MMP20: variants seen among roughly 807,000 people sequenced by gnomAD.
MMP20 encodes matrix metalloproteinase-20.
MMP20 carries 50 observed loss-of-function variants against 51.8 expected under a neutral mutation model. The observed-to-expected ratio is 0.97, with a 90% confidence interval of 0.77 to 1.22. MMP20 has a LOEUF of 1.22. MMP20 is among the 50% of genes most tolerant of loss of function. The probability of loss-of-function intolerance (pLI) is 0.00; values close to 1 mark genes in which losing one functional copy is unlikely to be tolerated. For missense variants in MMP20, 663 were observed against 601.4 expected (o/e 1.10, Z -1.07); for synonymous variants, 244 against 216.2 (o/e 1.13, Z -1.13).
At chr11:102,605,353 GACTGATAC>G (rs1859501670) in intron 6 of MMP20, 1 of 152,128 alleles carries the variant, frequency 6.6e-6, no homozygotes, top group Admixed American at 6.5e-5. Flanking sequence ...AGCTCCTGCA[GACTGATAC>G]ACTCCAGGTG....
chr11:102,596,082 C>T (rs916534489), intron 6 of MMP20, among the ~76,000 whole-genome samples: 1 of 152,132 alleles, frequency 6.6e-6, no homozygotes, highest in African/African-American at 2.4e-5. Flanking sequence ...GCCCTGCCCT[C>T]AATATGTTTA....
rs774094917 is a variant in MMP20, at chr11:102,594,698, C to T, written c.1013G>A (p.Ser338Asn). 2 of 1,609,560 alleles carry T rather than the reference C, an allele frequency of 1.2e-6. No homozygotes were observed. The highest frequency in any genetic ancestry group is 2.2e-5 in the East Asian group (1 of 44,706). ...RTGIRPSTIT[S>N]SFPQLMSNVD... The stretch of plus-strand genomic sequence containing the variant: ...ATTGGACATGAGCTGGGGGAAGGAG[C>T]TGGTAATAGTGCTGGGCCGAATTCC... Residue 338 changes from serine (S) to asparagine (N), a missense_variant, in exon 7 of 10, where the codon AGC (serine) becomes AAC (asparagine). Coordinates refer to ENST00000260228, the MANE Select transcript of MMP20 (RefSeq NM_004771.4).
chr11:102,588,951 C>T lies in MMP20; in HGVS notation c.1247+4488G>A, dbSNP rs940664991. Reference sequence around the variant, plus strand: ...AACTAGTTTATCTGGCTTCAAGTCTCGTTTCCCTCTAATTCAGTCACATTG... The same window carrying T: ...AACTAGTTTATCTGGCTTCAAGTCTTGTTTCCCTCTAATTCAGTCACATTG... On this transcript the variant is annotated intron_variant, in intron 8 of 9. Coordinates refer to ENST00000260228, the MANE Select transcript of MMP20 (RefSeq NM_004771.4). Among the ~76,000 whole-genome samples the T allele has an allele frequency of 3.3e-5, 5 of 152,174 alleles. No homozygotes were observed. In the East Asian group the frequency reaches 7.7e-4, roughly 23 times the overall value.
In MMP20 at chr11:102,606,339, C is replaced by T. The variant is rs137946559; in HGVS notation, c.953+196G>A. Among the ~76,000 whole-genome samples, 611 of 152,320 alleles carry T rather than the reference C, an allele frequency of 4.0e-3. 3 individuals carry two copies. Among genetic ancestry groups the T allele is most frequent in the Middle Eastern group, 0.01 (3 of 294 alleles). The stretch of plus-strand genomic sequence containing the variant: ...ATAACTTAGCACAGTAGCAAGACCA[C>T]AGTAGGTGCACCACAAACAGTAGTT... On this transcript the variant is annotated intron_variant, in intron 6 of 9. Coordinates refer to ENST00000260228, the MANE Select transcript of MMP20 (RefSeq NM_004771.4).
At position 102,597,209 on chromosome 11, in the gene MMP20, T is replaced by C. The variant is rs75126633; in HGVS notation, c.954-2452A>G. Among the ~76,000 whole-genome samples the C allele has an allele frequency of 7.7e-3, 1,168 of 152,374 alleles. 11 individuals carry two copies. The highest frequency in any genetic ancestry group is 0.011 in the Non-Finnish European group (743 of 68,032). On this transcript the variant is annotated intron_variant, in intron 6 of 9. Transcript: ENST00000260228. ...TCTCTTTGATCACTCTAAAGCCAGA[T>C]GCATTTTCTTGCATTTCTCACTTAA...
chr11:102,579,093 C>T lies in MMP20; in HGVS notation c.1297G>A (p.Glu433Lys), dbSNP rs1470699464. ...CCATTTACTCCTGAAAATTCTTCTT[C>T]AGTATTCTTTGGATAGTCTTTTTCC... is the stretch of plus-strand genomic sequence containing the variant. ...KMEKDYPKNT[E>K]EEFSGVNGQI... The change falls in exon 9 of 10, where the codon GAA (glutamate) becomes AAA (lysine). Residue 433 changes from glutamate to lysine, a missense_variant. Coordinates refer to ENST00000260228, the MANE Select transcript of MMP20 (RefSeq NM_004771.4). 2 of 1,613,842 alleles carry T rather than the reference C, an allele frequency of 1.2e-6. No homozygotes were observed. Among genetic ancestry groups the T allele is most frequent in the Admixed American group, 1.7e-5 (1 of 60,030 alleles).
intron 2 of MMP20, among the ~76,000 whole-genome samples, chr11:102,616,055 G>C (rs1285718932): frequency 6.6e-6 from 1 of 152,158 alleles, no homozygotes; most frequent in Non-Finnish European, 1.5e-5. Flanking sequence ...AGCAGGGAGG[G>C]ACAGAGGTTC....
At chr11:102,594,447 T>TAA (rs1428057488) in intron 7 of MMP20, among the ~76,000 whole-genome samples, 174 bp downstream of exon 7, 4 of 152,204 alleles carry the variant, frequency 2.6e-5, no homozygotes, top group African/African-American at 9.7e-5. Flanking sequence ...TTTCCATTGT[T>TAA]ACACAATGTC....
At chr11:102,597,513 G>A (rs1298864064) in intron 6 of MMP20, among the ~76,000 whole-genome samples, 8 of 152,172 alleles carry the variant, frequency 5.3e-5, no homozygotes, top group Non-Finnish European at 1.0e-4. Context: ...AATATCTGGT[G>A]ACAATTTTGG....
chr11:102,592,934 C>T (rs186735172), intron 8 of MMP20, among the ~76,000 whole-genome samples: 5 of 152,312 alleles, frequency 3.3e-5, no homozygotes, highest in Admixed American at 3.3e-4. Context: ...ATATGTTTTC[C>T]TTTGGATAAG....
chr11:102,603,462 C>T (rs1435911534), intron 6 of MMP20, among the ~76,000 whole-genome samples: 1 of 152,144 alleles, frequency 6.6e-6, no homozygotes. Flanking sequence ...GGTTTGAATT[C>T]CAGCTCCACC....
chr11:102,604,868 T>A (rs902141969), intron 6 of MMP20, among the ~76,000 whole-genome samples: 3 of 152,196 alleles, frequency 2.0e-5, no homozygotes, highest in Admixed American at 6.5e-5. Context: ...CCTATTTTTT[T>A]AGAAATCATT....
At chr11:102,620,293 ACTTT>A (rs906423331) in intron 1 of MMP20, among the ~76,000 whole-genome samples, 34 of 152,220 alleles carry the variant, frequency 2.2e-4, no homozygotes, top group African/African-American at 8.2e-4. Flanking sequence ...AACTCTGGGC[ACTTT>A]CTTGCTAAAG....
chr11:102,583,508 T>C (rs1325364023), intron 8 of MMP20: 2 of 152,222 alleles, frequency 1.3e-5, no homozygotes, highest in Admixed American at 1.3e-4. Flanking sequence ...TATCATGTTG[T>C]ATAGGTCTGT....
chr11:102,602,296 A>G (rs1482952170), intron 6 of MMP20, among the ~76,000 whole-genome samples: 1 of 151,640 alleles, frequency 6.6e-6, no homozygotes, highest in Non-Finnish European at 1.5e-5. Flanking sequence ...CTTCTAATTT[A>G]AGACACATAA....
rs533299128 is a variant in MMP20, at chr11:102,603,776, T to C, written c.953+2759A>G. Among the ~76,000 whole-genome samples, 5 of 152,258 alleles carry C rather than the reference T, an allele frequency of 3.3e-5. No homozygotes were observed. In the South Asian group the frequency reaches 1.0e-3, roughly 32 times the overall value. ...GAATCATCTGCCCTACCCCAGTAGCTCATTGAATCTGAAATGGAAGAAGAT... is the reference window on the plus strand; with the variant it reads ...GAATCATCTGCCCTACCCCAGTAGCCCATTGAATCTGAAATGGAAGAAGAT... On this transcript the variant is annotated intron_variant, in intron 6 of 9. Transcript: ENST00000260228.
At chr11:102,624,250 G>A (rs1163910087) in intron 1 of MMP20, among the ~76,000 whole-genome samples, 3 of 152,298 alleles carry the variant, frequency 2.0e-5, no homozygotes, top group Non-Finnish European at 2.9e-5. Context: ...CAGATGTGCT[G>A]TAATGTTGGC....
chr11:102,610,018 G>A lies in MMP20; in HGVS notation c.536C>T (p.Ser179Phe), dbSNP rs1369748428. 14 of 1,614,078 alleles carry A rather than the reference G, an allele frequency of 8.7e-6. No individual in the cohort carries two copies. Among genetic ancestry groups the A allele is most frequent in the Non-Finnish European group, 1.2e-5 (14 of 1,180,008 alleles). Residue 179 changes from serine (S) to phenylalanine (F), a missense_variant, in exon 4 of 10, where the codon TCC becomes TTC. By Grantham distance (155) the Ser-to-Phe change is radical. Coordinates refer to ENST00000260228, the MANE Select transcript of MMP20 (RefSeq NM_004771.4). ...CCCCCGAGGCCCATCGAATGGATAG[G>A]AATCCCCGTGATCTAAACAAGTGGG... ...ISFENGDHGDSYPFDGPRGTL... is the reference protein window; with the variant it reads ...ISFENGDHGDFYPFDGPRGTL...
At chr11:102,585,552 G>T (rs1399454216) in intron 8 of MMP20, among the ~76,000 whole-genome samples, 1 of 152,106 alleles carries the variant, frequency 6.6e-6, no homozygotes, top group Admixed American at 6.5e-5. Flanking sequence ...TATGCAAAAA[G>T]AAATAGTTTT....
Sources: allele counts gnomAD v4.1 joint callset (sites outside exome capture counted in the v4.1 genomes callset), GRCh38; gene constraint gnomAD v4.1.1; transcripts MANE v1.5; gene names NCBI Gene and HGNC (gene_info 2026-07-23, HGNC 2026-07-21).